TBCB: variants seen among roughly 807,000 people sequenced by gnomAD.
The protein encoded by TBCB is tubulin folding cofactor B.
TBCB carries 18 observed loss-of-function variants against 29.2 expected under a neutral mutation model. That is an observed-to-expected ratio of 0.62 (90% CI 0.43 to 0.91). The LOEUF (loss-of-function observed/expected upper bound fraction) is 0.91. Ranked by LOEUF, TBCB falls within the 40% of genes least tolerant of loss-of-function variation. TBCB has a pLI of 0.00. For missense variants in TBCB, 336 were observed against 337.6 expected, an observed-to-expected ratio of 1.00 and a Z score of 0.04; for synonymous variants, 172 against 137.8, an observed-to-expected ratio of 1.25 and a Z score of -1.74.
intron 3 of TBCB, 138 bp from the exon 4 acceptor site, chr19:36,121,389 A>G: frequency 9.5e-7 from 1 of 1,049,506 alleles, no homozygotes; most frequent in Non-Finnish European, 1.3e-6. Context: ...CTGTGGTGGG[A>G]GACCTGGGGC....
rs755669359 is a variant in TBCB, at chr19:36,116,148, G to A, written c.222G>A (p.Leu74=). ...YSKLDQEDAL[L]GSYPVDDGCR... is the part of the protein sequence containing the mutation. ...AGCTGGATCAAGAGGATGCGCTCCT[G>A]GGCTCCTACCCTGTAGATGACGGCT... Residue 74 remains leucine (L), a synonymous_variant, in exon 2 of 6, where the codon CTG becomes CTA. Coordinates refer to ENST00000221855, the MANE Select transcript of TBCB (RefSeq NM_001281.3). 6.2e-7 allele frequency: 1 copy of A among 1,614,150 alleles called. No individual in the cohort carries two copies. Among genetic ancestry groups the A allele is most frequent in the Non-Finnish European group, 8.5e-7 (1 of 1,180,024 alleles).
At chr19:36,120,935 A>T in intron 3 of TBCB, 129 bp downstream of exon 3, 1 of 736,740 alleles carries the variant, frequency 1.4e-6, no homozygotes, top group Non-Finnish European at 2.2e-6. Context: ...AGAGCTTGGG[A>T]GGATATAGGG....
At chr19:36,120,830 G>A (rs762607735) in intron 3 of TBCB, 24 bp downstream of exon 3, 1 of 1,610,466 alleles carries the variant, frequency 6.2e-7, no homozygotes, top group Non-Finnish European at 8.5e-7. Context: ...GGCGTCGAGG[G>A]GTGCGTGGGG....
At chr19:36,115,400 A>G, upstream of TBCB, 1 of 608,474 alleles carries the variant, frequency 1.6e-6, no homozygotes, top group Non-Finnish European at 2.9e-6. Context: ...TGGGGAAGGG[A>G]CGGCGGCGAT....
intron 3 of TBCB, 57 bp downstream of exon 3, chr19:36,120,863 A>T: frequency 3.2e-6 from 5 of 1,562,460 alleles, no homozygotes; most frequent in Non-Finnish European, 3.5e-6. Context: ...ATGTGCAGGT[A>T]TGAGGGCGGG....
At chr19:36,124,251 C>G (rs565023152) in intron 4 of TBCB, among the ~76,000 whole-genome samples, 2 of 152,308 alleles carry the variant, frequency 1.3e-5, no homozygotes, top group Non-Finnish European at 2.9e-5. Context: ...GACACACAGT[C>G]TCACTCCGTC....
intron 3 of TBCB, 43 bp from the exon 4 acceptor site, chr19:36,121,484 C>G (rs770754202): frequency 6.6e-7 from 1 of 1,524,494 alleles, no homozygotes; most frequent in Admixed American, 2.1e-5. Context: ...TCCTGTTAGG[C>G]CCGGCCGACA....
At position 36,121,599 on chromosome 19, in the gene TBCB, C is replaced by T; in HGVS notation, c.428C>T (p.Ala143Val). The T allele has an allele frequency of 6.4e-7, 1 of 1,554,352 alleles. No homozygotes were observed. The change falls in exon 4 of 6, where the codon GCC becomes GTC. Residue 143 changes from alanine to valine, a missense_variant. Transcript: ENST00000221855. ...GAGGAGGAGCGGGCTCAGCAGGAGG[C>T]CGAGGCCGCCCAGCGCCTGGCCGAG... is the stretch of plus-strand genomic sequence containing the variant. The part of the protein sequence containing the change: ...YNEEERAQQE[A>V]EAAQRLAEEK...
chr19:36,120,299 T>C (rs1260089572), intron 2 of TBCB, among the ~76,000 whole-genome samples: 1 of 151,862 alleles, frequency 6.6e-6, no homozygotes. Context: ...GAATGAATAG[T>C]GGGGGCAGAA....
intron 3 of TBCB, 132 bp downstream of exon 3, chr19:36,120,938 A>C: frequency 1.3e-6 from 1 of 767,660 alleles, no homozygotes; most frequent in Non-Finnish European, 2.1e-6. Context: ...GCTTGGGAGG[A>C]TATAGGGGTG....
upstream of TBCB, chr19:36,115,038 C>G (rs1326087921): frequency 3.2e-6 from 2 of 622,398 alleles, no homozygotes; most frequent in East Asian, 5.5e-5. Context: ...TTGCTTCAAT[C>G]TTTTGATATC....
At chr19:36,119,087 C>T (rs1166630294) in intron 2 of TBCB, among the ~76,000 whole-genome samples, 1 of 152,168 alleles carries the variant, frequency 6.6e-6, no homozygotes, top group Non-Finnish European at 1.5e-5. Context: ...GAGCAGGTTT[C>T]ATAACAGGCG....
At chr19:36,123,311 G>GAATGC (rs1974088202) in intron 4 of TBCB, among the ~76,000 whole-genome samples, 1 of 150,320 alleles carries the variant, frequency 6.7e-6, no homozygotes, top group Non-Finnish European at 1.5e-5. Context: ...GCCCAGGCTG[G>GAATGC]AATGCAGTGG....
chr19:36,124,756 G>A (rs1317657905), intron 4 of TBCB, among the ~76,000 whole-genome samples: 1 of 152,066 alleles, frequency 6.6e-6, no homozygotes, highest in Non-Finnish European at 1.5e-5. Flanking sequence ...TGTTAGCCAG[G>A]ATGGTCTCGA....
At chr19:36,122,209 G>A (rs78849072) in intron 4 of TBCB, 3,665 of 216,138 alleles carry the variant, frequency 0.017, 203 homozygotes, top group East Asian at 0.1. Flanking sequence ...TGGGGAAGGG[G>A]AGCGGGAGGA....
Position 36,125,773 on chromosome 19 carries a change from C to T in TBCB, c.726C>T (p.Asp242=), listed in dbSNP as rs767111430. The T allele has an allele frequency of 1.3e-5, 20 of 1,530,464 alleles. No individual in the cohort carries two copies. Among genetic ancestry groups the T allele is most frequent in the East Asian group, 2.3e-5 (1 of 44,046 alleles). 94.8% of individuals were successfully genotyped at this position (1,530,464 alleles called of 1,614,324 possible). ...TCCCGGAGGAGGACTACGGGTTGGACGAGATATGACACCTAAGGAATTCCC... is the reference window on the plus strand; with the variant it reads ...TCCCGGAGGAGGACTACGGGTTGGATGAGATATGACACCTAAGGAATTCCC... ...GDFPEEDYGL[D]EI The change falls in exon 6 of 6, where the codon GAC becomes GAT. Residue 242 remains aspartate, a synonymous_variant. Transcript: ENST00000221855.
Position 36,125,884 on chromosome 19 carries a change from C to A in TBCB, c.*102C>A. The A allele has an allele frequency of 2.3e-6, 2 of 862,114 alleles. No individual in the cohort carries two copies. The highest frequency in any genetic ancestry group is 3.3e-6 in the Non-Finnish European group (2 of 600,134). The allele number at this position is 862,114 out of a possible 1,614,324, so 53.4% of individuals were successfully genotyped here. On this transcript the variant is annotated 3_prime_UTR_variant, in exon 6 of 6. Coordinates refer to ENST00000221855, the MANE Select transcript of TBCB (RefSeq NM_001281.3). ...CTCCTGACCCCATTTTAATTTTATT[C>A]ATTTTTTCCTTTGCCATTGATTTTT...
intron 4 of TBCB, among the ~76,000 whole-genome samples, chr19:36,125,062 G>C (rs1974115643): frequency 6.6e-6 from 1 of 152,150 alleles, no homozygotes; most frequent in Non-Finnish European, 1.5e-5. Flanking sequence ...ACCACTCACT[G>C]AGCAACTTAA....
At chr19:36,121,811 G>T (rs1457491252) in intron 4 of TBCB, 93 bp downstream of exon 4, 2 of 1,480,624 alleles carry the variant, frequency 1.4e-6, no homozygotes, top group African/African-American at 2.8e-5. Flanking sequence ...ACCACGCTCT[G>T]CCTAGGGGCG....
Sources: allele counts gnomAD v4.1 joint callset (sites outside exome capture counted in the v4.1 genomes callset), GRCh38; gene constraint gnomAD v4.1.1; transcripts MANE v1.5; gene names NCBI Gene and HGNC (gene_info 2026-07-23, HGNC 2026-07-21).